Variants in POLA2 observed in about 807,000 individuals in gnomAD.
POLA2 encodes DNA polymerase alpha 2, accessory subunit.
POLA2 carries 47 observed loss-of-function variants against 82.8 expected under a neutral mutation model. The observed-to-expected ratio is 0.57, with a 90% CI of 0.45 to 0.72. POLA2 has a LOEUF of 0.72. POLA2 is among the 30% of genes least tolerant of loss of function. POLA2 has a pLI of 0.00. For missense variants in POLA2, 634 were observed against 728.1 expected (o/e 0.87, Z 1.49); for synonymous variants, 287 against 286.8 (o/e 1.00, Z -0.01).
intron 3 of POLA2, 147 bp from the exon 4 acceptor site, chr11:65,268,525 G>A: frequency 1.9e-6 from 1 of 519,732 alleles, no homozygotes. Context: ...ATTTTTTTTA[G>A]TAGAGACGGG....
intron 4 of POLA2, among the ~76,000 whole-genome samples, chr11:65,274,371 C>T (rs896807519): frequency 2.8e-5 from 4 of 143,040 alleles, no homozygotes; most frequent in South Asian, 2.2e-4. Flanking sequence ...AATTCCGTCT[C>T]GGAAAAAAAA....
intron 5 of POLA2, among the ~76,000 whole-genome samples, chr11:65,277,361 A>G (rs1445790349): frequency 1.3e-5 from 2 of 151,904 alleles, no homozygotes; most frequent in Non-Finnish European, 1.5e-5. Flanking sequence ...TAATTTTTGT[A>G]GAGATGGGGT....
chr11:65,297,138 T>A lies in POLA2; in HGVS notation c.1666T>A (p.Cys556Ser), dbSNP rs1187758118. The change falls in exon 18 of 18, where the codon TGT (cysteine) becomes AGT (serine). Residue 556 changes from cysteine to serine, a missense_variant. Cys to Ser is a moderately radical substitution (Grantham distance 112). Transcript: ENST00000265465. ...YFVKDVLGCVCVNPGRLTKGQ... is the reference protein window; with the variant it reads ...YFVKDVLGCVSVNPGRLTKGQ... ...TCCCCAGGATGTCCTCGGCTGTGTC[T>A]GTGTGAACCCTGGGCGCCTTACCAA... 6.2e-7 allele frequency: 1 copy of A among 1,614,104 alleles called. No individual in the cohort carries two copies. The highest frequency in any genetic ancestry group is 8.5e-7 in the Non-Finnish European group (1 of 1,179,996).
chr11:65,284,621 G>T (rs1418070475), intron 10 of POLA2, among the ~76,000 whole-genome samples: 1 of 151,836 alleles, frequency 6.6e-6, no homozygotes, highest in Non-Finnish European at 1.5e-5. Flanking sequence ...CACCTCCCGG[G>T]TTCAAGCGAT....
intron 1 of POLA2, among the ~76,000 whole-genome samples, chr11:65,263,251 G>C (rs1403486242): frequency 3.6e-5 from 2 of 55,880 alleles, no homozygotes; most frequent in African/African-American, 1.5e-4. Context: ...TGACAGTCTT[G>C]TTTTATCACC....
chr11:65,268,258 C>G (rs925199992), intron 3 of POLA2, among the ~76,000 whole-genome samples: 1 of 151,920 alleles, frequency 6.6e-6, no homozygotes, highest in Non-Finnish European at 1.5e-5. Context: ...GACGAGGAAA[C>G]CCCATCTCAA....
downstream of POLA2, among the ~76,000 whole-genome samples, chr11:65,301,223 T>G (rs894616268): frequency 2.6e-5 from 4 of 151,990 alleles, no homozygotes; most frequent in Admixed American, 2.6e-4. Flanking sequence ...AGGGAGGCAG[T>G]GATGGGCCCG....
chr11:65,302,740 T>G (rs530446774), downstream of POLA2, among the ~76,000 whole-genome samples: 2 of 152,016 alleles, frequency 1.3e-5, no homozygotes, highest in East Asian at 3.9e-4. Context: ...TTTTTTTTAT[T>G]TTTTTGGAGA....
chr11:65,288,945 A>C, intron 11 of POLA2, 105 bp from the exon 12 acceptor site: 1 of 1,067,202 alleles, frequency 9.4e-7, no homozygotes, highest in East Asian at 2.4e-5. Context: ...TTGGAGGGAC[A>C]GATGAGCCCT....
At chr11:65,281,208 C>T (rs141232595) in intron 8 of POLA2, 61 bp downstream of exon 8, 47 of 1,542,910 alleles carry the variant, frequency 3.0e-5, no homozygotes, top group Middle Eastern at 3.6e-4. Flanking sequence ...AGTGTAGGTG[C>T]TGTGCCATGC....
At position 65,297,185 on chromosome 11, in the gene POLA2, C is replaced by T. The variant is rs201640265; in HGVS notation, c.1713C>T (p.Phe571=). The T allele has an allele frequency of 7.6e-5, 123 of 1,614,078 alleles. No individual in the cohort carries two copies. The Admixed American group carries it at 9.2e-4, about 12-fold the overall frequency. The change falls in exon 18 of 18, where the codon TTC becomes TTT. Residue 571 remains phenylalanine, a synonymous_variant. Coordinates refer to ENST00000265465, the MANE Select transcript of POLA2 (RefSeq NM_002689.4). The part of the protein sequence containing the change: ...RLTKGQVGGT[F]ARLYLRRPAA... Reference sequence around the variant, plus strand: ...CCAAAGGGCAGGTGGGAGGCACCTTCGCCCGACTCTACCTTAGGAGGCCGG... The same window carrying T: ...CCAAAGGGCAGGTGGGAGGCACCTTTGCCCGACTCTACCTTAGGAGGCCGG...
chr11:65,266,933 C>T (rs191871318), intron 2 of POLA2, among the ~76,000 whole-genome samples: 5 of 152,216 alleles, frequency 3.3e-5, no homozygotes, highest in South Asian at 2.1e-4. Flanking sequence ...TGGGGCTGGG[C>T]GCCGTGGCTC....
chr11:65,292,564 G>T (rs1949766354), intron 13 of POLA2, among the ~76,000 whole-genome samples: 1 of 152,216 alleles, frequency 6.6e-6, no homozygotes, highest in Non-Finnish European at 1.5e-5. Flanking sequence ...AGCACAGATT[G>T]TCCCATTCAA....
chr11:65,263,227 T>C, intron 1 of POLA2, among the ~76,000 whole-genome samples: 1 of 149,186 alleles, frequency 6.7e-6, no homozygotes, highest in Admixed American at 6.6e-5. Context: ...TCTCTTTTTT[T>C]TTTTTTTTTT....
At chr11:65,279,239 G>C (rs781123424) in intron 6 of POLA2, among the ~76,000 whole-genome samples, 7 of 152,166 alleles carry the variant, frequency 4.6e-5, no homozygotes, top group Non-Finnish European at 8.8e-5. Flanking sequence ...GCCTTGACTT[G>C]CCTAAAACCT....
chr11:65,274,568 T>TA (rs1329333384), intron 4 of POLA2, among the ~76,000 whole-genome samples: 1 of 151,360 alleles, frequency 6.6e-6, no homozygotes, highest in Non-Finnish European at 1.5e-5. Context: ...TAGTCCCAGC[T>TA]ACTCTAGAGG....
At chr11:65,302,928 G>A (rs1004886525), downstream of POLA2, among the ~76,000 whole-genome samples, 8 of 151,868 alleles carry the variant, frequency 5.3e-5, no homozygotes, top group South Asian at 2.1e-4. Context: ...GTTTCGCCAC[G>A]TTGCCCAGGC....
chr11:65,275,789 G>A (rs896517481), intron 4 of POLA2, 103 bp from the exon 5 acceptor site: 1 of 536,472 alleles, frequency 1.9e-6, no homozygotes, highest in Non-Finnish European at 3.3e-6. Flanking sequence ...CCTATTTTGT[G>A]CCTTCGTTTG....
intron 15 of POLA2, 42 bp from the exon 16 acceptor site, chr11:65,295,498 G>A: frequency 1.9e-6 from 3 of 1,554,170 alleles, no homozygotes; most frequent in East Asian, 2.2e-5. Context: ...GAAATGGGCT[G>A]AAAAACAGAG....
Sources: allele counts gnomAD v4.1 joint callset (sites outside exome capture counted in the v4.1 genomes callset), GRCh38; gene constraint gnomAD v4.1.1; transcripts MANE v1.5; gene names NCBI Gene and HGNC (gene_info 2026-07-23, HGNC 2026-07-21).